C11orf65: variants seen among roughly 807,000 people sequenced by gnomAD.
C11orf65 encodes chromosome 11 open reading frame 65, also known as protein MFI.
Under a neutral mutation model 35.3 loss-of-function variants are expected in C11orf65, and 38 were observed. The observed-to-expected ratio is 1.08, with a 90% CI of 0.83 to 1.41. C11orf65 has a LOEUF of 1.41. Among genes scored for constraint, C11orf65 ranks in the 40% most tolerant of loss-of-function variants. C11orf65 has a pLI of 0.00. For synonymous variants in C11orf65, 105 were observed against 114.4 expected (o/e 0.92, Z 0.53); for missense variants, 370 against 367.1 (o/e 1.01, Z -0.06).
At chr11:108,348,076 A>C (rs1687882912) in intron 2 of C11orf65, among the ~76,000 whole-genome samples, 1 of 152,176 alleles carries the variant, frequency 6.6e-6, no homozygotes, top group South Asian at 2.1e-4. Flanking sequence ...AGATAACTGA[A>C]GCTTCTAACT....
At chr11:108,434,405 T>C (rs1314805739) in intron 2 of C11orf65, among the ~76,000 whole-genome samples, 1 of 151,444 alleles carries the variant, frequency 6.6e-6, no homozygotes, top group African/African-American at 2.4e-5. Context: ...CTCAGGAGGC[T>C]GAGGCAGGAG....
At chr11:108,363,072 C>T (rs1198027736) in intron 2 of C11orf65, among the ~76,000 whole-genome samples, 1 of 152,162 alleles carries the variant, frequency 6.6e-6, no homozygotes, top group African/African-American at 2.4e-5. Context: ...CCGAATTTCC[C>T]CAAATCATTT....
intron 2 of C11orf65, among the ~76,000 whole-genome samples, chr11:108,356,874 C>T (rs907675499): frequency 6.6e-6 from 1 of 152,174 alleles, no homozygotes; most frequent in East Asian, 1.9e-4. Flanking sequence ...GGTTTTGAGT[C>T]TGAAAAGTGA....
chr11:108,439,951 CTGGTAAA>C (rs755218764), intron 2 of C11orf65, among the ~76,000 whole-genome samples: 1 of 152,064 alleles, frequency 6.6e-6, no homozygotes, highest in Non-Finnish European at 1.5e-5. Context: ...AACGGTTAAA[CTGGTAAA>C]TTTTATGTTA....
At chr11:108,406,639 C>T in intron 5 of C11orf65, 124 bp downstream of exon 5, 1 of 660,642 alleles carries the variant, frequency 1.5e-6, no homozygotes, top group Non-Finnish European at 2.3e-6. Context: ...CTAACTTAAG[C>T]AAAATTTATC....
intron 2 of C11orf65, among the ~76,000 whole-genome samples, chr11:108,371,934 G>A (rs2091586103): frequency 1.3e-5 from 2 of 152,278 alleles, no homozygotes; most frequent in South Asian, 2.1e-4. Flanking sequence ...CATAATGGGT[G>A]TGGGTGACTC....
downstream of C11orf65, among the ~76,000 whole-genome samples, chr11:108,329,563 G>A (rs2086047272): frequency 6.6e-6 from 1 of 151,924 alleles, no homozygotes. Flanking sequence ...ACAGGTGCAC[G>A]CCATACCTGG....
intron 6 of C11orf65, chr11:108,326,294 T>G: frequency 6.4e-7 from 1 of 1,551,020 alleles, no homozygotes; most frequent in Non-Finnish European, 8.8e-7. Context: ...TACTTTAAAA[T>G]ATTTTTAATA....
At chr11:108,399,969 T>A (rs141856049) in intron 6 of C11orf65, among the ~76,000 whole-genome samples, 288 of 152,306 alleles carry the variant, frequency 1.9e-3, no homozygotes, top group African/African-American at 6.9e-3. Flanking sequence ...TAGGTCTCTT[T>A]AGAGACTCTA....
rs73545037 is a variant in C11orf65 at position 108,347,586 on chromosome 11, G to A, written c.227-12294C>T. ...AATAGATGAGGTGTCTTTTGAGCCT[G>A]GTCTTCAAGAAAGAAAGAAAGCATA... is the stretch of plus-strand genomic sequence containing the variant. On this transcript the variant is annotated intron_variant, in intron 2 of 3. Coordinates refer to the C11orf65 transcript ENST00000524755. Among the ~76,000 whole-genome samples, 1,372 of 152,198 alleles carry A rather than the reference G, an allele frequency of 9.0e-3. 20 individuals carry two copies. Among genetic ancestry groups the A allele is most frequent in the African/African-American group, 0.031 (1,291 of 41,536 alleles).
intron 2 of C11orf65, among the ~76,000 whole-genome samples, chr11:108,336,694 T>G (rs1268890127): frequency 1.3e-5 from 2 of 152,230 alleles, no homozygotes; most frequent in Non-Finnish European, 2.9e-5. Flanking sequence ...AAAGTTGGAT[T>G]GCTGGGTTAG....
At chr11:108,403,409 GTTTTTTTTTTGT>G (rs1310348370) in intron 6 of C11orf65, among the ~76,000 whole-genome samples, 2 of 67,304 alleles carry the variant, frequency 3.0e-5, no homozygotes, top group East Asian at 6.5e-4. Context: ...TGTTTGAGAG[GTTTTTTTTTTGT>G]TTTTTTTTTT....
chr11:108,359,742 A>T (rs1329645561), intron 2 of C11orf65, among the ~76,000 whole-genome samples: 5 of 152,162 alleles, frequency 3.3e-5, no homozygotes, highest in Non-Finnish European at 7.3e-5. Context: ...TGTTCTTTGA[A>T]ACCAACGAGA....
At chr11:108,368,406 AGTT>A (rs990485308) in intron 2 of C11orf65, 12 of 211,732 alleles carry the variant, frequency 5.7e-5, no homozygotes, top group African/African-American at 2.7e-4. Context: ...ATCATAGAAT[AGTT>A]GTTGTATGCT....
intron 7 of C11orf65, among the ~76,000 whole-genome samples, chr11:108,387,393 G>A (rs1226743405): frequency 2.0e-5 from 3 of 151,802 alleles, no homozygotes; most frequent in African/African-American, 7.3e-5. Flanking sequence ...GACCTCAGGT[G>A]ATCCACCCAC....
At chr11:108,428,698 A>G (rs1042325789) in intron 3 of C11orf65, among the ~76,000 whole-genome samples, 9 of 152,130 alleles carry the variant, frequency 5.9e-5, no homozygotes, top group African/African-American at 2.2e-4. Flanking sequence ...GCGTTAGGAG[A>G]AATACCTAAT....
downstream of C11orf65, among the ~76,000 whole-genome samples, chr11:108,382,481 A>G (rs1340822148): frequency 3.3e-5 from 5 of 152,222 alleles, no homozygotes; most frequent in Admixed American, 2.6e-4. Flanking sequence ...AAAGAAAGAA[A>G]TAACTATGAC....
intron 5 of C11orf65, 143 bp downstream of exon 5, chr11:108,406,620 C>T (rs2092545638): frequency 2.0e-6 from 1 of 508,370 alleles, no homozygotes; most frequent in Non-Finnish European, 3.3e-6. Context: ...ATTAGCAACC[C>T]CTGAGTAGCT....
chr11:108,417,501 A>C (rs10431060), intron 3 of C11orf65, among the ~76,000 whole-genome samples: 75,500 of 151,096 alleles, frequency 0.5, 20,189 homozygotes, highest in Middle Eastern at 0.72. Context: ...TGAGATAGAT[A>C]GTGCCACTTC....
Sources: allele counts gnomAD v4.1 joint callset (sites outside exome capture counted in the v4.1 genomes callset), GRCh38; gene constraint gnomAD v4.1.1; transcripts MANE v1.5; gene names NCBI Gene and HGNC (gene_info 2026-07-23, HGNC 2026-07-21).